GALNTL6: variants seen among roughly 807,000 people sequenced by gnomAD.
GALNTL6 encodes the protein polypeptide N-acetylgalactosaminyltransferase-like 6.
GALNTL6 carries 46 observed loss-of-function variants against 73.7 expected under a neutral mutation model. The ratio of observed to expected loss-of-function variants is 0.62; its 90% confidence interval spans 0.49 to 0.80. The LOEUF (loss-of-function observed/expected upper bound fraction) is 0.80, where lower values mean the gene tolerates loss of function less well. Among genes scored for constraint, GALNTL6 ranks in the 30% least tolerant of loss-of-function variants. GALNTL6 has a pLI of 0.00. For missense variants in GALNTL6, 604 were observed against 755.0 expected (o/e 0.80, Z 2.34); for synonymous variants, 259 against 263.7 (o/e 0.98, Z 0.17).
chr4:171,861,950 G>C (rs1202539984), intron 2 of GALNTL6, among the ~76,000 whole-genome samples: 2 of 151,940 alleles, frequency 1.3e-5, no homozygotes, highest in Non-Finnish European at 2.9e-5. Context: ...TTTATTAAAG[G>C]CTTTGCTTTA....
At chr4:172,852,755 T>A (rs547041175) in intron 7 of GALNTL6, among the ~76,000 whole-genome samples, 2 of 152,280 alleles carry the variant, frequency 1.3e-5, no homozygotes, top group South Asian at 4.1e-4. Flanking sequence ...ACCTTGGTAT[T>A]GTAATGGAGT....
At chr4:172,032,062 C>T (rs1741787603) in intron 2 of GALNTL6, among the ~76,000 whole-genome samples, 1 of 151,960 alleles carries the variant, frequency 6.6e-6, no homozygotes. Context: ...TCACAAAAAC[C>T]AGTAAAGGAG....
intron 5 of GALNTL6, among the ~76,000 whole-genome samples, chr4:172,644,380 C>T (rs1740135542): frequency 6.6e-6 from 1 of 151,830 alleles, no homozygotes; most frequent in Admixed American, 6.6e-5. Context: ...ACTCAGCACC[C>T]CAGAAAGATC....
intron 11 of GALNTL6, among the ~76,000 whole-genome samples, chr4:173,017,856 G>A (rs1221954826): frequency 6.6e-6 from 1 of 152,200 alleles, no homozygotes; most frequent in Non-Finnish European, 1.5e-5. Context: ...ATTTGCCAGT[G>A]TTTGCTGTAA....
intron 2 of GALNTL6, among the ~76,000 whole-genome samples, chr4:172,229,443 C>G (rs184023178): frequency 6.6e-6 from 1 of 152,020 alleles, no homozygotes; most frequent in Non-Finnish European, 1.5e-5. Flanking sequence ...ATAGTTGTTG[C>G]AGGAGAGGTG....
chr4:172,852,162 G>T (rs553829594), intron 7 of GALNTL6, among the ~76,000 whole-genome samples: 60 of 152,178 alleles, frequency 3.9e-4, no homozygotes, highest in African/African-American at 1.4e-3. Context: ...AACCCTAGTA[G>T]CTTCTATAGT....
At chr4:172,517,795 T>G (rs1394148968) in intron 5 of GALNTL6, among the ~76,000 whole-genome samples, 2 of 152,048 alleles carry the variant, frequency 1.3e-5, no homozygotes, top group African/African-American at 4.8e-5. Context: ...GTACAAAAAA[T>G]GTGTAATAGC....
At chr4:172,829,359 A>G (rs1224802477) in intron 7 of GALNTL6, among the ~76,000 whole-genome samples, 1 of 152,124 alleles carries the variant, frequency 6.6e-6, no homozygotes, top group East Asian at 1.9e-4. Context: ...ATTGGTAGGG[A>G]TACTCTGGGC....
intron 3 of GALNTL6, among the ~76,000 whole-genome samples, chr4:172,237,507 G>A (rs77957176): frequency 0.016 from 2,476 of 152,198 alleles, 29 homozygotes; most frequent in Non-Finnish European, 0.023. Flanking sequence ...CAGATGCATA[G>A]TTTACAAATA....
chr4:171,845,562 G>A (rs544728508), intron 2 of GALNTL6, among the ~76,000 whole-genome samples: 8 of 152,228 alleles, frequency 5.3e-5, no homozygotes, highest in African/African-American at 1.7e-4. Flanking sequence ...TGGAACGTGA[G>A]CATAAGTCAT....
chr4:172,238,409 G>C (rs1737312490), intron 3 of GALNTL6, among the ~76,000 whole-genome samples: 1 of 152,022 alleles, frequency 6.6e-6, no homozygotes, highest in Admixed American at 6.6e-5. Context: ...CTTGGATGTT[G>C]CTGGTGTATA....
chr4:172,979,130 A>G (rs1394197556), intron 10 of GALNTL6, among the ~76,000 whole-genome samples: 3 of 152,218 alleles, frequency 2.0e-5, no homozygotes, highest in African/African-American at 7.2e-5. Flanking sequence ...ATATTTGCAC[A>G]TCCAAATTAA....
chr4:172,197,491 T>C (rs1361691896), intron 2 of GALNTL6, among the ~76,000 whole-genome samples: 1 of 152,168 alleles, frequency 6.6e-6, no homozygotes. Flanking sequence ...CAGAAAATCC[T>C]AAGCAAAAAG....
At chr4:172,206,152 C>T (rs1579252563) in intron 2 of GALNTL6, among the ~76,000 whole-genome samples, 2 of 152,202 alleles carry the variant, frequency 1.3e-5, no homozygotes, top group South Asian at 4.2e-4. Flanking sequence ...TTTAAACATC[C>T]TCCGCTCTTC....
intron 5 of GALNTL6, among the ~76,000 whole-genome samples, chr4:172,709,298 A>G (rs181897495): frequency 1.2e-3 from 187 of 152,328 alleles, no homozygotes; most frequent in African/African-American, 4.3e-3. Flanking sequence ...TCAGTGCTGA[A>G]GAGAGAAAGT....
intron 5 of GALNTL6, among the ~76,000 whole-genome samples, chr4:172,759,716 G>A (rs1548347): frequency 0.45 from 67,223 of 150,682 alleles, 17,273 homozygotes; most frequent in East Asian, 0.67. Flanking sequence ...AACTAGGGAA[G>A]TGACTTTCTT....
chr4:173,033,314 T>C (rs962079053), intron 12 of GALNTL6, among the ~76,000 whole-genome samples: 14 of 152,028 alleles, frequency 9.2e-5, no homozygotes, highest in Non-Finnish European at 1.5e-5. Context: ...AGAAACATTA[T>C]TTCTGATTGG....
chr4:171,845,373 T>G (rs763747327), intron 2 of GALNTL6, among the ~76,000 whole-genome samples: 2 of 152,290 alleles, frequency 1.3e-5, no homozygotes, highest in Non-Finnish European at 2.9e-5. Context: ...GGAGACTATT[T>G]ATCTATTGGT....
intron 5 of GALNTL6, among the ~76,000 whole-genome samples, chr4:172,528,818 T>C (rs1235418115): frequency 3.3e-5 from 5 of 150,404 alleles, no homozygotes; most frequent in African/African-American, 1.2e-4. Flanking sequence ...ATAAATCATA[T>C]TATGTTCAAT....
Sources: gnomAD v4.1 joint callset for allele counts (sites outside exome capture counted in the v4.1 genomes callset) on GRCh38, gnomAD v4.1.1 for gene constraint, MANE v1.5 for transcripts, NCBI Gene and HGNC (gene_info 2026-07-23, HGNC 2026-07-21) for gene names.